CPAMD8: variants seen among roughly 807,000 people sequenced by gnomAD.
The protein encoded by CPAMD8 is C3 and PZP-like alpha-2-macroglobulin domain-containing protein 8.
In CPAMD8, 146 loss-of-function variants were observed where a neutral mutation model predicts 224.7. The observed-to-expected ratio is 0.65, with a 90% CI of 0.57 to 0.75. CPAMD8 has a LOEUF of 0.75. Among genes scored for constraint, CPAMD8 ranks in the 30% least tolerant of loss-of-function variants. The pLI, the probability that CPAMD8 is intolerant of heterozygous loss-of-function variation, is 0.00. For synonymous variants in CPAMD8, 966 were observed against 1,044.6 expected (o/e 0.92, Z 1.45); for missense variants, 2,301 against 2,537.5 (o/e 0.91, Z 2.00).
chr19:16,915,188 G>C (rs1313742551), intron 27 of CPAMD8, among the ~76,000 whole-genome samples: 4 of 151,782 alleles, frequency 2.6e-5, no homozygotes, highest in Non-Finnish European at 5.9e-5. Context: ...CTTGCCAAAA[G>C]GCCCCTGATC....
Position 16,975,214 on chromosome 19 carries a change from G to C in CPAMD8, c.1953C>G (p.Gly651=). Residue 651 remains glycine, a synonymous_variant, in exon 17 of 42, where the codon GGC becomes GGG. Coordinates refer to ENST00000443236, the MANE Select transcript of CPAMD8 (RefSeq NM_015692.5). ...LEDYDVSDSF[G]VSREDGPFWW... ...AAAAAGGACCATCCTCCCTGGACAC[G>C]CCAAAGGAATCAGAAACATCATAAT... 6.2e-7 allele frequency: 1 copy of C among 1,609,850 alleles called. No homozygotes were observed. Among genetic ancestry groups the C allele is most frequent in the Non-Finnish European group, 8.5e-7 (1 of 1,178,008 alleles).
At chr19:16,957,762 G>T in intron 19 of CPAMD8, 91 bp downstream of exon 19, 1 of 1,181,302 alleles carries the variant, frequency 8.5e-7, no homozygotes, top group South Asian at 1.3e-5. Flanking sequence ...TTGGTATCAG[G>T]CCTGCCCATC....
At chr19:16,944,696 A>T (rs1463876969) in intron 22 of CPAMD8, among the ~76,000 whole-genome samples, 1 of 151,978 alleles carries the variant, frequency 6.6e-6, no homozygotes, top group African/African-American at 2.4e-5. Context: ...AATCCATCAC[A>T]TCACATCAAC....
chr19:17,011,956 GGGAATA>G (rs2056666015), intron 3 of CPAMD8, among the ~76,000 whole-genome samples, 199 bp from the exon 4 acceptor site: 1 of 152,190 alleles, frequency 6.6e-6, no homozygotes, highest in Non-Finnish European at 1.5e-5. Context: ...CACTTGAGAG[GGGAATA>G]GAGAGGCTGC....
chr19:17,000,206 C>T, intron 10 of CPAMD8: 2 of 367,682 alleles, frequency 5.4e-6, no homozygotes, highest in Non-Finnish European at 9.2e-6. Flanking sequence ...GTCATCCCAG[C>T]ACTTTTGGGG....
In CPAMD8 at chr19:16,952,197, G is replaced by A. The variant is rs1281842124; in HGVS notation, c.2280C>T (p.Asp760=). Residue 760 remains aspartate, a synonymous_variant, in exon 20 of 42, where the codon GAC becomes GAT. Transcript: ENST00000443236. ...TWIWHCLNIS[D]PSGEGTLSVK... ...CACTGAGTGTCCCCTCACCAGATGGGTCACTGCGGAGAGACAGACAGCCAT... is the reference window on the plus strand; with the variant it reads ...CACTGAGTGTCCCCTCACCAGATGGATCACTGCGGAGAGACAGACAGCCAT... 1 of 1,518,424 alleles carries A rather than the reference G, an allele frequency of 6.6e-7. No homozygotes were observed. The highest frequency in any genetic ancestry group is 2.5e-5 in the East Asian group (1 of 40,744). 94.1% of individuals were successfully genotyped at this position (1,518,424 alleles called of 1,614,324 possible). A position where few individuals can be genotyped will look rare whatever the true frequency, so the allele number is the denominator to read the frequency against.
intron 17 of CPAMD8, 71 bp downstream of exon 17, chr19:16,975,026 T>C: frequency 6.5e-7 from 1 of 1,533,062 alleles, no homozygotes; most frequent in Admixed American, 2.3e-5. Flanking sequence ...TTTCTGAATC[T>C]CCAAGACTCT....
intron 14 of CPAMD8, among the ~76,000 whole-genome samples, chr19:16,979,260 CA>C (rs1443067507): frequency 9.4e-6 from 1 of 106,504 alleles, no homozygotes; most frequent in African/African-American, 4.9e-5. Flanking sequence ...CTCATCCACC[CA>C]CCCATTAGCC....
At chr19:16,906,364 TTC>T (rs1491408353) in intron 30 of CPAMD8, among the ~76,000 whole-genome samples, 1 of 70,932 alleles carries the variant, frequency 1.4e-5, no homozygotes, top group Non-Finnish European at 3.1e-5. Flanking sequence ...CTTTCTTTCT[TTC>T]TTTCTTTCTT....
At position 16,993,401 on chromosome 19, in the gene CPAMD8, A is replaced by C. The variant is rs762742410; in HGVS notation, c.1266+15T>G. On this transcript the variant is annotated intron_variant, in intron 12 of 41. Transcript: ENST00000443236. ...CCTGCTGGCTGAATAACAAGGGTCC[A>C]CGGGACTCACCCACCTCCAGCCACA... 1 of 1,608,064 alleles carries C rather than the reference A, an allele frequency of 6.2e-7. No individual in the cohort carries two copies. Among genetic ancestry groups the C allele is most frequent in the South Asian group, 1.1e-5 (1 of 90,264 alleles).
chr19:16,896,170 T>C lies in CPAMD8; in HGVS notation c.5426+6A>G. The C allele has an allele frequency of 1.2e-6, 2 of 1,613,648 alleles. No homozygotes were observed. The highest frequency in any genetic ancestry group is 8.5e-7 in the Non-Finnish European group (1 of 1,179,922). Reference sequence around the variant, plus strand: ...CTCTTATCTCTGGGGTGGGCCCAGCTGTTACCTGTCCTCCGCCTCCCCTTC... The same window carrying C: ...CTCTTATCTCTGGGGTGGGCCCAGCCGTTACCTGTCCTCCGCCTCCCCTTC... On this transcript the variant is annotated splice_donor_region_variant and intron_variant, in intron 41 of 41. Coordinates refer to ENST00000443236, the MANE Select transcript of CPAMD8 (RefSeq NM_015692.5).
intron 27 of CPAMD8, among the ~76,000 whole-genome samples, chr19:16,917,249 TA>T (rs1452533916): frequency 1.3e-5 from 2 of 151,662 alleles, no homozygotes; most frequent in Admixed American, 1.3e-4. Context: ...CACAAATAAA[TA>T]AAAAATGAGT....
chr19:16,939,551 A>G (rs560167216), intron 22 of CPAMD8, among the ~76,000 whole-genome samples: 1 of 152,224 alleles, frequency 6.6e-6, no homozygotes, highest in Middle Eastern at 3.4e-3. Flanking sequence ...GGGCTCCAGG[A>G]TGCCCAGGTA....
chr19:16,919,214 A>G (rs1157122399), intron 27 of CPAMD8, among the ~76,000 whole-genome samples: 1 of 152,072 alleles, frequency 6.6e-6, no homozygotes, highest in Non-Finnish European at 1.5e-5. Context: ...AAAAAAGAAA[A>G]AAAAAAAGGA....
rs139642588 is a variant in CPAMD8, at chr19:16,972,857, A to G, written c.2071-1824T>C. On this transcript the variant is annotated intron_variant, in intron 17 of 41. Transcript: ENST00000443236. The stretch of plus-strand genomic sequence containing the variant: ...CTCATAAATGAAATGTTATTTTTCA[A>G]AACAAAAAACAAAACACAAAGGTTT... Among the ~76,000 whole-genome samples, 3 of 152,320 alleles carry G rather than the reference A, an allele frequency of 2.0e-5. No individual in the cohort carries two copies. In the East Asian group the frequency reaches 5.8e-4, roughly 29 times the overall value.
intron 41 of CPAMD8, chr19:16,895,449 T>C (rs577177760): frequency 5.4e-6 from 1 of 184,134 alleles, no homozygotes; most frequent in South Asian, 1.1e-4. Flanking sequence ...CCGCTCTGAT[T>C]CCATTTACCT....
At chr19:16,973,549 A>G (rs901899805) in intron 17 of CPAMD8, among the ~76,000 whole-genome samples, 3 of 151,796 alleles carry the variant, frequency 2.0e-5, no homozygotes, top group African/African-American at 7.3e-5. Flanking sequence ...GGGTTTCACC[A>G]TGTTGGCCAG....
intron 13 of CPAMD8, among the ~76,000 whole-genome samples, chr19:16,987,425 G>A (rs980462395): frequency 1.3e-5 from 2 of 151,566 alleles, no homozygotes; most frequent in African/African-American, 2.4e-5. Context: ...TGACAAGGAA[G>A]AAGACCTTTA....
At chr19:17,019,067 A>G (rs2056886728) in intron 3 of CPAMD8, among the ~76,000 whole-genome samples, 1 of 152,184 alleles carries the variant, frequency 6.6e-6, no homozygotes, top group African/African-American at 2.4e-5. Context: ...TGTTTACAAC[A>G]GTGTGATAAG....
Sources: allele counts gnomAD v4.1 joint callset (sites outside exome capture counted in the v4.1 genomes callset), GRCh38; gene constraint gnomAD v4.1.1; transcripts MANE v1.5; gene names NCBI Gene and HGNC (gene_info 2026-07-23, HGNC 2026-07-21).